The following RELN variants were observed in gnomAD, a reference collection of about 807,000 sequenced individuals.
The protein encoded by RELN is reelin.
Under a neutral mutation model 427.6 loss-of-function variants are expected in RELN, and 108 were observed. The ratio of observed to expected loss-of-function variants is 0.25; its 90% CI spans 0.22 to 0.30. The LOEUF (loss-of-function observed/expected upper bound fraction) is 0.30. Among genes scored for constraint, RELN ranks in the 10% least tolerant of loss-of-function variants. The pLI, the probability that RELN is intolerant of heterozygous loss-of-function variation, is 1.00. For missense variants in RELN, 3,715 were observed against 4,302.8 expected, an observed-to-expected ratio of 0.86 and a Z score of 3.82; for synonymous variants, 1,524 against 1,513.4, an observed-to-expected ratio of 1.01 and a Z score of -0.16.
intron 2 of RELN, among the ~76,000 whole-genome samples, chr7:103,902,772 G>C (rs1795111222): frequency 6.6e-6 from 1 of 152,042 alleles, no homozygotes; most frequent in Admixed American, 6.6e-5. Context: ...GACAAAAGTG[G>C]AAACAGAACT....
rs1012508070 is a variant in RELN at position 103,626,506 on chromosome 7, A to G, written c.2702+3434T>C. Among the ~76,000 whole-genome samples the G allele has an allele frequency of 1.3e-5, 2 of 152,028 alleles. No homozygotes were observed. Among genetic ancestry groups the G allele is most frequent in the Non-Finnish European group, 2.9e-5 (2 of 67,946 alleles). On this transcript the variant is annotated intron_variant, in intron 20 of 64. Coordinates refer to ENST00000428762, the MANE Select transcript of RELN (RefSeq NM_005045.4). This position sits in a 1 kb window ranked among gnomAD's most constrained non-coding sequence, Gnocchi z 4.4. ...GCTGGGATTACAGGCATGTGTCACCACGCTCGGCTAGTTTGTGTATTTTCA... is the reference window on the plus strand; with the variant it reads ...GCTGGGATTACAGGCATGTGTCACCGCGCTCGGCTAGTTTGTGTATTTTCA...
At chr7:103,478,649 G>A in intron 63 of RELN, 2 of 366,546 alleles carry the variant, frequency 5.5e-6, no homozygotes, top group Admixed American at 8.6e-5. Context: ...ACATGTAGCT[G>A]TAGTACTACA....
intron 3 of RELN, among the ~76,000 whole-genome samples, chr7:103,809,425 C>T (rs1409950550): frequency 6.6e-6 from 1 of 151,906 alleles, no homozygotes; most frequent in Non-Finnish European, 1.5e-5. Flanking sequence ...CCCCAGTGTA[C>T]CACCTGTGCT....
chr7:103,780,937 G>C (rs1037588655), intron 3 of RELN, among the ~76,000 whole-genome samples: 2 of 152,154 alleles, frequency 1.3e-5, no homozygotes, highest in Non-Finnish European at 2.9e-5. Flanking sequence ...TCTCAGCCAT[G>C]CTGCTGCCCA....
At chr7:103,986,859 T>C (rs1195337892) in intron 1 of RELN, among the ~76,000 whole-genome samples, 1 of 152,064 alleles carries the variant, frequency 6.6e-6, no homozygotes, top group Non-Finnish European at 1.5e-5. Context: ...TTTGGTCACA[T>C]ATCAAAATGG....
chr7:103,923,805 C>T (rs1309742294), intron 1 of RELN, among the ~76,000 whole-genome samples: 1 of 152,106 alleles, frequency 6.6e-6, no homozygotes, highest in African/African-American at 2.4e-5. Flanking sequence ...AGATGGCTGA[C>T]CTAGATCATC....
At chr7:103,896,006 C>T (rs1794951568) in intron 2 of RELN, among the ~76,000 whole-genome samples, 2 of 152,034 alleles carry the variant, frequency 1.3e-5, no homozygotes, top group Admixed American at 6.6e-5. Context: ...AAAAAGACAA[C>T]TCAATTTTTT....
intron 1 of RELN, among the ~76,000 whole-genome samples, chr7:103,975,768 G>A (rs1246407369): frequency 4.1e-5 from 6 of 147,044 alleles, no homozygotes; most frequent in Non-Finnish European, 8.9e-5. Flanking sequence ...GGATGGTCTC[G>A]ATCTCCTGAC....
chr7:103,704,617 G>A (rs1307838426), intron 8 of RELN, among the ~76,000 whole-genome samples: 7 of 151,590 alleles, frequency 4.6e-5, no homozygotes, highest in African/African-American at 1.5e-4. Context: ...TTCTCACAGT[G>A]ATTTTCCTGG....
intron 44 of RELN, 115 bp from the exon 45 acceptor site, chr7:103,539,442 G>T: frequency 9.6e-7 from 1 of 1,037,400 alleles, no homozygotes; most frequent in South Asian, 1.4e-5. Flanking sequence ...GCTCAGAACT[G>T]GCACTGGACG....
chr7:103,797,073 G>A (rs262332), intron 3 of RELN, among the ~76,000 whole-genome samples: 150,127 of 152,172 alleles, frequency 0.99, 74,084 homozygotes, highest in East Asian at 1. Flanking sequence ...TTATTTGGGA[G>A]TCATTTTATT....
At chr7:103,832,355 G>T (rs1379495166) in intron 3 of RELN, among the ~76,000 whole-genome samples, 1 of 152,060 alleles carries the variant, frequency 6.6e-6, no homozygotes, top group Non-Finnish European at 1.5e-5. Context: ...ATTTAGTGAG[G>T]GCTGACTGTA....
At chr7:103,624,448 C>A (rs1006442461) in intron 20 of RELN, among the ~76,000 whole-genome samples, 1 of 151,860 alleles carries the variant, frequency 6.6e-6, no homozygotes, top group African/African-American at 2.4e-5. Context: ...TTTTTTAAGT[C>A]GGAGTTTTAC....
chr7:103,888,248 T>A (rs115691265), intron 2 of RELN, among the ~76,000 whole-genome samples: 1,425 of 124,380 alleles, frequency 0.011, 24 homozygotes, highest in African/African-American at 0.035. Flanking sequence ...AAAAAAAATA[T>A]ATATATATAT....
chr7:103,984,153 T>TAA (rs71519166), intron 1 of RELN, among the ~76,000 whole-genome samples: 38 of 144,840 alleles, frequency 2.6e-4, no homozygotes, highest in African/African-American at 7.5e-4. Context: ...TCCCAGGAGG[T>TAA]AAAAAAAAAA....
At chr7:103,624,617 G>A (rs1234855090) in intron 20 of RELN, among the ~76,000 whole-genome samples, 2 of 152,040 alleles carry the variant, frequency 1.3e-5, no homozygotes, top group Non-Finnish European at 2.9e-5. Context: ...TAGTAGAGAC[G>A]GGATTTCACC....
At position 103,654,180 on chromosome 7, in the gene RELN, A is replaced by T; in HGVS notation, c.1467T>A (p.Ser489=). ...VMGGICDPGN[S]HENDIILYAK... Reference sequence around the variant, plus strand: ...CATACAGGATTATGTCATTTTCATGAGAATTTCCAGGGTCACAAATTCCTC... The same window carrying T: ...CATACAGGATTATGTCATTTTCATGTGAATTTCCAGGGTCACAAATTCCTC... Residue 489 remains serine, a synonymous_variant, in exon 13 of 65, where the codon TCT becomes TCA. Coordinates refer to ENST00000428762, the MANE Select transcript of RELN (RefSeq NM_005045.4). 1.2e-6 allele frequency: 2 copies of T among 1,611,324 alleles called. No individual in the cohort carries two copies. The highest frequency in any genetic ancestry group is 1.7e-5 in the Admixed American group (1 of 59,818).
At chr7:103,849,857 A>ACT (rs1250200321) in intron 2 of RELN, among the ~76,000 whole-genome samples, 2 of 152,196 alleles carry the variant, frequency 1.3e-5, no homozygotes, top group Non-Finnish European at 2.9e-5. Flanking sequence ...TTACGGAAAA[A>ACT]GTTTTTCAAC....
rs1374764997 is a variant in RELN, at chr7:103,566,369, T to A, written c.4791A>T (p.Gly1597=). Reference sequence around the variant, plus strand: ...ATCCAGTTTGAGAGCTGTCATTCATTCCTATAAGAACATCATCCAAAGCCC... The same window carrying A: ...ATCCAGTTTGAGAGCTGTCATTCATACCTATAAGAACATCATCCAAAGCCC... ...AQWALDDVLI[G]MNDSSQTGFQ... Residue 1597 remains glycine (G), a synonymous_variant, in exon 33 of 65, where the codon GGA becomes GGT. Transcript: ENST00000428762. The A allele has an allele frequency of 1.2e-6, 2 of 1,614,172 alleles. No individual in the cohort carries two copies. Among genetic ancestry groups the A allele is most frequent in the Non-Finnish European group, 1.7e-6 (2 of 1,180,014 alleles).
Sources: gnomAD v4.1 joint callset for allele counts (sites outside exome capture counted in the v4.1 genomes callset) on GRCh38, gnomAD v4.1.1 for gene constraint, Gnocchi (gnomAD v3.1) non-coding constraint, MANE v1.5 for transcripts, NCBI Gene and HGNC (gene_info 2026-07-23, HGNC 2026-07-21) for gene names.